TSPAN9: variants seen among roughly 807,000 people sequenced by gnomAD.
The protein encoded by TSPAN9 is tetraspanin-9.
Under a neutral mutation model 31.0 loss-of-function variants are expected in TSPAN9, and 16 were observed. That is an observed-to-expected ratio of 0.52 (90% CI 0.35 to 0.78). The LOEUF is 0.78. Ranked by LOEUF, TSPAN9 falls within the 30% of genes least tolerant of loss-of-function variation. The pLI, the probability that TSPAN9 is intolerant of heterozygous loss-of-function variation, is 0.01. For missense variants in TSPAN9, 272 were observed against 312.5 expected (o/e 0.87, Z 0.98); for synonymous variants, 145 against 121.6 (o/e 1.19, Z -1.27).
At chr12:3,181,222 A>G (rs573904748) in intron 2 of TSPAN9, among the ~76,000 whole-genome samples, 10 of 151,938 alleles carry the variant, frequency 6.6e-5, no homozygotes, top group African/African-American at 2.4e-4. Flanking sequence ...TGGGGATGAT[A>G]ATTAAAAGAA....
chr12:3,087,344 A>G (rs1228271570), intron 2 of TSPAN9, among the ~76,000 whole-genome samples: 1 of 151,696 alleles, frequency 6.6e-6, no homozygotes, highest in Non-Finnish European at 1.5e-5. Flanking sequence ...CGTCTCTAAT[A>G]AGAATAGAAA....
intron 2 of TSPAN9, among the ~76,000 whole-genome samples, chr12:3,195,959 C>T (rs949040761): frequency 1.3e-5 from 2 of 152,352 alleles, no homozygotes; most frequent in South Asian, 4.1e-4. Context: ...GTGCATCAGT[C>T]TGCTTTGGGC....
At chr12:3,269,420 C>T (rs1862624754) in intron 3 of TSPAN9, among the ~76,000 whole-genome samples, 1 of 128,888 alleles carries the variant, frequency 7.8e-6, no homozygotes, top group Non-Finnish European at 1.7e-5. Flanking sequence ...CCCTGTGTTC[C>T]TGCAGCCTGC....
chr12:3,133,341 T>C (rs1213726492), intron 2 of TSPAN9, among the ~76,000 whole-genome samples: 1 of 152,242 alleles, frequency 6.6e-6, no homozygotes, highest in African/African-American at 2.4e-5. Flanking sequence ...GCAGTCTGTC[T>C]GTCTAAAGTG....
At chr12:3,171,513 T>G (rs2098351829) in intron 2 of TSPAN9, 1 of 152,240 alleles carries the variant, frequency 6.6e-6, no homozygotes, top group African/African-American at 2.4e-5. Flanking sequence ...CACCTATCCT[T>G]CCTGTGTTGT....
intron 3 of TSPAN9, among the ~76,000 whole-genome samples, chr12:3,228,853 C>G (rs2098389225): frequency 6.6e-6 from 1 of 152,200 alleles, no homozygotes; most frequent in South Asian, 2.1e-4. Context: ...GGGCCATGCT[C>G]CCTTCGAAGG....
chr12:3,178,991 G>T (rs1429643573), intron 2 of TSPAN9, among the ~76,000 whole-genome samples: 2 of 152,228 alleles, frequency 1.3e-5, no homozygotes, highest in Non-Finnish European at 2.9e-5. Context: ...CTGGGAGGGC[G>T]GAGGAATGAG....
At chr12:3,178,076 A>G (rs948154805) in intron 2 of TSPAN9, among the ~76,000 whole-genome samples, 4 of 152,062 alleles carry the variant, frequency 2.6e-5, no homozygotes, top group Admixed American at 1.3e-4. Context: ...GGTGGTATTG[A>G]TCAGGGATGG....
At chr12:3,209,216 C>T (rs2878484) in intron 3 of TSPAN9, among the ~76,000 whole-genome samples, 74,025 of 147,786 alleles carry the variant, frequency 0.5, 19,780 homozygotes, top group Middle Eastern at 0.65. Context: ...GCCTGGGCGA[C>T]AGAGTGAGAC....
chr12:3,275,783 C>T (rs1862773583), intron 3 of TSPAN9, among the ~76,000 whole-genome samples: 1 of 152,210 alleles, frequency 6.6e-6, no homozygotes, highest in African/African-American at 2.4e-5. Flanking sequence ...GGCCCACTCT[C>T]CACAGTGTGA....
At chr12:3,215,877 G>A (rs1042862802) in intron 3 of TSPAN9, among the ~76,000 whole-genome samples, 3 of 151,964 alleles carry the variant, frequency 2.0e-5, no homozygotes, top group East Asian at 1.9e-4. Context: ...AGTGGAGAAC[G>A]TAGGTTGGTC....
At chr12:3,090,138 G>T (rs1187148539) in intron 2 of TSPAN9, among the ~76,000 whole-genome samples, 1 of 152,142 alleles carries the variant, frequency 6.6e-6, no homozygotes, top group African/African-American at 2.4e-5. Context: ...TCCATAAATA[G>T]AATTGAATTC....
intron 2 of TSPAN9, among the ~76,000 whole-genome samples, chr12:3,091,134 C>T (rs913481635): frequency 2.0e-5 from 3 of 152,230 alleles, no homozygotes; most frequent in African/African-American, 7.2e-5. Flanking sequence ...TGTCAGTGAG[C>T]GACAGGTCTT....
intron 2 of TSPAN9, among the ~76,000 whole-genome samples, chr12:3,181,210 G>A (rs1163860770): frequency 6.6e-6 from 1 of 152,038 alleles, no homozygotes; most frequent in Admixed American, 6.5e-5. Flanking sequence ...CCAGAATCAT[G>A]ATGGGGATGA....
At chr12:3,216,572 A>T (rs2098381530) in intron 3 of TSPAN9, among the ~76,000 whole-genome samples, 1 of 152,198 alleles carries the variant, frequency 6.6e-6, no homozygotes, top group African/African-American at 2.4e-5. Flanking sequence ...AGAGAGGGAG[A>T]TGGGGTGCCT....
chr12:3,216,472 A>G (rs941346386), intron 3 of TSPAN9, among the ~76,000 whole-genome samples: 3 of 152,188 alleles, frequency 2.0e-5, no homozygotes, highest in Non-Finnish European at 4.4e-5. Context: ...CTTCTCCAGC[A>G]TCAAGCCTCC....
In TSPAN9 at chr12:3,175,272, G is replaced by C. The variant is rs1246631716; in HGVS notation, c.-17-25905G>C. Among the ~76,000 whole-genome samples, 6 of 152,156 alleles carry C rather than the reference G, an allele frequency of 3.9e-5. No individual in the cohort carries two copies. The East Asian group carries it at 1.2e-3, about 29-fold the overall frequency. ...GCACGAGAGCGGTCAGTCTTCCTCG[G>C]CCTTGACCTTGAGGACATCAGGGTG... is the stretch of plus-strand genomic sequence containing the variant. On this transcript the variant is annotated intron_variant, in intron 2 of 8. Coordinates refer to ENST00000011898, the MANE Select transcript of TSPAN9 (RefSeq NM_006675.5).
intron 2 of TSPAN9, among the ~76,000 whole-genome samples, chr12:3,091,260 A>G (rs755082842): frequency 6.6e-6 from 1 of 152,246 alleles, no homozygotes; most frequent in Non-Finnish European, 1.5e-5. Context: ...CGGATATGAA[A>G]TAAGAGGGCC....
intron 3 of TSPAN9, among the ~76,000 whole-genome samples, chr12:3,208,929 G>A (rs1445813551): frequency 1.3e-5 from 2 of 152,172 alleles, no homozygotes; most frequent in Non-Finnish European, 2.9e-5. Flanking sequence ...AATAGTTCTG[G>A]ATGTAGTTTT....
Sources: gnomAD v4.1 joint callset for allele counts (sites outside exome capture counted in the v4.1 genomes callset) on GRCh38, gnomAD v4.1.1 for gene constraint, MANE v1.5 for transcripts, NCBI Gene and HGNC (gene_info 2026-07-23, HGNC 2026-07-21) for gene names.